Variants in KLHDC2 observed in about 807,000 individuals in gnomAD.
The protein encoded by KLHDC2 is kelch domain containing 2.
In KLHDC2, 38 loss-of-function variants were observed where a neutral mutation model predicts 62.3. That is an observed-to-expected ratio of 0.61 (90% CI 0.47 to 0.80). The LOEUF (loss-of-function observed/expected upper bound fraction) is 0.80. Among genes scored for constraint, KLHDC2 ranks in the 30% least tolerant of loss-of-function variants. The pLI, the probability that KLHDC2 is intolerant of heterozygous loss-of-function variation, is 0.00. For synonymous variants in KLHDC2, 159 were observed against 161.0 expected (o/e 0.99, Z 0.09); for missense variants, 430 against 495.3 (o/e 0.87, Z 1.25).
At chr14:49,782,262 T>G in intron 10 of KLHDC2, 108 bp from the exon 11 acceptor site, 1 of 658,672 alleles carries the variant, frequency 1.5e-6, no homozygotes, top group Non-Finnish European at 2.6e-6. Flanking sequence ...TGTTTTGGTC[T>G]GAACTACCTT....
At chr14:49,771,489 T>C in intron 1 of KLHDC2, 105 bp from the exon 2 acceptor site, 1 of 624,292 alleles carries the variant, frequency 1.6e-6, no homozygotes, top group Non-Finnish European at 2.9e-6. Flanking sequence ...TAATACCTAT[T>C]TTTCATACTA....
intron 1 of KLHDC2, 115 bp downstream of exon 1, chr14:49,768,736 G>A (rs1889597449): frequency 2.0e-6 from 2 of 988,586 alleles, no homozygotes; most frequent in Non-Finnish European, 2.8e-6. Context: ...CCTGCGTCGC[G>A]CGCCCCACCT....
chr14:49,774,890 T>C (rs981807996), intron 3 of KLHDC2: 5 of 524,160 alleles, frequency 9.5e-6, no homozygotes, highest in Admixed American at 3.6e-5. Context: ...TGGTAACCTG[T>C]GTGCAGTAAC....
intron 12 of KLHDC2, 31 bp from the exon 13 acceptor site, chr14:49,782,799 A>G: frequency 6.2e-7 from 1 of 1,602,730 alleles, no homozygotes; most frequent in Non-Finnish European, 8.5e-7. Context: ...GTAAAGTGAA[A>G]TTACTTTTCT....
rs1161703423 is a variant in KLHDC2 at position 49,783,967 on chromosome 14, T to G, written c.*1014T>G. ...TTGTAGCTGGCCTATAATATATATA[T>G]ATTAGATGTTATATACAGTAGACTT... On this transcript the variant is annotated 3_prime_UTR_variant, in exon 13 of 13. Transcript: ENST00000298307. 6.6e-6 allele frequency: 1 copy of G among 152,132 alleles called. No individual in the cohort carries two copies. The highest frequency in any genetic ancestry group is 1.5e-5 in the Non-Finnish European group (1 of 68,000). 9.4% of individuals were successfully genotyped at this position (152,132 alleles called of 1,614,324 possible). A position where few individuals can be genotyped will look rare whatever the true frequency, so the allele number is the denominator to read the frequency against.
At chr14:49,779,072 G>A (rs929978843) in intron 6 of KLHDC2, among the ~76,000 whole-genome samples, 12 of 152,028 alleles carry the variant, frequency 7.9e-5, no homozygotes, top group Non-Finnish European at 1.5e-4. Context: ...TGGAATATTT[G>A]CATTATATAC....
chr14:49,782,556 A>G lies in KLHDC2; in HGVS notation c.1059A>G (p.Glu353=), dbSNP rs1248315600. ...LVHHRAAHSN[E]ILIFSVQPKS... The stretch of plus-strand genomic sequence containing the variant: ...TTATTTTTCAGGCACACAGTAATGA[A>G]ATACTAATATTTTCAGTTCAACCAA... The change falls in exon 12 of 13, where the codon GAA becomes GAG. Residue 353 remains glutamate (E), a synonymous_variant. Transcript: ENST00000298307. 6.2e-7 allele frequency: 1 copy of G among 1,607,708 alleles called. No individual in the cohort carries two copies. Among genetic ancestry groups the G allele is most frequent in the Admixed American group, 1.7e-5 (1 of 59,422 alleles).
chr14:49,778,284 A>G, intron 5 of KLHDC2, 25 bp downstream of exon 5: 2 of 1,471,882 alleles, frequency 1.4e-6, no homozygotes, highest in Non-Finnish European at 1.9e-6. Context: ...ATATTTGCAT[A>G]TGGCCTCCTT....
chr14:49,772,634 G>A (rs903711537), intron 2 of KLHDC2, among the ~76,000 whole-genome samples: 1 of 152,198 alleles, frequency 6.6e-6, no homozygotes, highest in Admixed American at 6.5e-5. Flanking sequence ...TTTACTTACT[G>A]TAGATCTCAG....
chr14:49,778,309 A>C, intron 5 of KLHDC2, 50 bp downstream of exon 5: 1 of 1,368,652 alleles, frequency 7.3e-7, no homozygotes, highest in Non-Finnish European at 1.0e-6. Flanking sequence ...TGTTGAAATA[A>C]TACATTTTAT....
At position 49,780,696 on chromosome 14, in the gene KLHDC2, G is replaced by C. The variant is rs2139801723; in HGVS notation, c.884-7G>C. On this transcript the variant is annotated splice_region_variant and splice_polypyrimidine_tract_variant and intron_variant, in intron 9 of 12. Coordinates refer to ENST00000298307, the MANE Select transcript of KLHDC2 (RefSeq NM_014315.3). ...ACTAACATACTTCATTTCTTTGCTT[G>C]AATCAGGTGATGCCTGGACTTACTG... 1.9e-6 allele frequency: 3 copies of C among 1,588,944 alleles called. No homozygotes were observed. The highest frequency in any genetic ancestry group is 1.7e-4 in the Middle Eastern group (1 of 6,016).
chr14:49,780,361 A>G, intron 9 of KLHDC2, 39 bp downstream of exon 9: 4 of 1,221,106 alleles, frequency 3.3e-6, no homozygotes, highest in Non-Finnish European at 4.9e-6. Context: ...ATCATCATAT[A>G]TCATCCATAT....
rs535457286 is a variant in KLHDC2 at position 49,768,466 on chromosome 14, A to G, written c.-3A>G. 2 of 1,608,788 alleles carry G rather than the reference A, an allele frequency of 1.2e-6. No individual in the cohort carries two copies. Among genetic ancestry groups the G allele is most frequent in the East Asian group, 4.5e-5 (2 of 44,250 alleles). ...TGTTGGTTAGCAAAAGTGCAGCCTC[A>G]AGATGGCTGATGGCAACGAGGATCT... On this transcript the variant is annotated 5_prime_UTR_variant, in exon 1 of 13. Coordinates refer to ENST00000298307, the MANE Select transcript of KLHDC2 (RefSeq NM_014315.3).
chr14:49,780,637 C>A, intron 9 of KLHDC2, 66 bp from the exon 10 acceptor site: 2 of 1,060,506 alleles, frequency 1.9e-6, no homozygotes, highest in Non-Finnish European at 3.0e-6. Flanking sequence ...CTTGCCAAAG[C>A]TGTGCCCTTT....
rs1177300017 is a variant in KLHDC2 at position 49,784,384 on chromosome 14, T to C, written c.*1431T>C. The C allele has an allele frequency of 2.1e-5, 7 of 340,192 alleles. No individual in the cohort carries two copies. The highest frequency in any genetic ancestry group is 1.5e-4 in the African/African-American group (7 of 46,496). The allele number at this position is 340,192 out of a possible 1,614,324, so 21.1% of individuals were successfully genotyped here. A position where few individuals can be genotyped will look rare whatever the true frequency, so the allele number is the denominator to read the frequency against. On this transcript the variant is annotated 3_prime_UTR_variant, in exon 13 of 13. Transcript: ENST00000298307. ...TAACCTCCCAAATTTCAAGAAAATGTAGAATAACTACAGATGTATATTAAT... is the reference window on the plus strand; with the variant it reads ...TAACCTCCCAAATTTCAAGAAAATGCAGAATAACTACAGATGTATATTAAT...
Position 49,784,958 on chromosome 14 carries a change from T to A in KLHDC2, c.*2005T>A. On this transcript the variant is annotated 3_prime_UTR_variant, in exon 13 of 13. Transcript: ENST00000298307. ...TGCGGAATAAGTCTTTTTCTCTTGC[T>A]GTTGCTTCTTTGGAATGCATGAAAC... The A allele has an allele frequency of 6.2e-7, 1 of 1,613,980 alleles. No homozygotes were observed. Among genetic ancestry groups the A allele is most frequent in the Non-Finnish European group, 8.5e-7 (1 of 1,179,938 alleles).
intron 2 of KLHDC2, among the ~76,000 whole-genome samples, 194 bp from the exon 3 acceptor site, chr14:49,774,367 T>C (rs1889727409): frequency 6.6e-6 from 1 of 152,214 alleles, no homozygotes; most frequent in African/African-American, 2.4e-5. Flanking sequence ...CTGGCACTGT[T>C]TGTGGAATGG....
chr14:49,775,561 A>G (rs1393462301), intron 3 of KLHDC2, among the ~76,000 whole-genome samples: 2 of 150,774 alleles, frequency 1.3e-5, no homozygotes, highest in African/African-American at 2.4e-5. Context: ...TGATGCTTGA[A>G]CTGAATAATA....
At chr14:49,777,692 C>A (rs999055457) in intron 3 of KLHDC2, 147 bp from the exon 4 acceptor site, 17 of 522,918 alleles carry the variant, frequency 3.3e-5, no homozygotes, top group Non-Finnish European at 5.4e-5. Context: ...CATCTGGACT[C>A]TGAGCAGTCT....
Sources: gnomAD v4.1 joint callset for allele counts (sites outside exome capture counted in the v4.1 genomes callset) on GRCh38, gnomAD v4.1.1 for gene constraint, MANE v1.5 for transcripts, NCBI Gene and HGNC (gene_info 2026-07-23, HGNC 2026-07-21) for gene names.